Variants in SUN2 observed in about 807,000 individuals in gnomAD.
SUN2 encodes SUN domain-containing protein 2.
In SUN2, 60 loss-of-function variants were observed where a neutral mutation model predicts 100.0. The ratio of observed to expected loss-of-function variants is 0.60; its 90% CI spans 0.49 to 0.74. The LOEUF is 0.74. SUN2 is among the 30% of genes least tolerant of loss of function. SUN2 has a pLI of 0.00. For missense variants in SUN2, 834 were observed against 954.6 expected (o/e 0.87, Z 1.66); for synonymous variants, 367 against 403.3 (o/e 0.91, Z 1.08).
At chr22:38,749,911 G>A (rs372129329) in intron 5 of SUN2, 52 bp from the exon 6 acceptor site, 34 of 1,537,352 alleles carry the variant, frequency 2.2e-5, no homozygotes, top group Non-Finnish European at 2.6e-5. Context: ...TGGGGGCACC[G>A]CTCCTTTGTC....
At position 38,748,710 on chromosome 22, in the gene SUN2, C is replaced by T. The variant is rs751120521; in HGVS notation, c.685+3G>A. 1.2e-6 allele frequency: 2 copies of T among 1,614,226 alleles called. No individual in the cohort carries two copies. Among genetic ancestry groups the T allele is most frequent in the Non-Finnish European group, 1.7e-6 (2 of 1,180,032 alleles). On this transcript the variant is annotated splice_donor_region_variant and intron_variant, in intron 7 of 17. Transcript: ENST00000689035. ...TCCCTCTGCTCTCCCCATGCAGGCT[C>T]ACCATACGTCAGGCACGTCAGCAAG...
chr22:38,738,867 GC>G lies in SUN2; in HGVS notation c.1779+5del. ...GCCCCCGCTGCTGTGCTTGCCAGGT[GC>G]CCACCTGGAGGATGACTCGGGGTGA... On this transcript the variant is annotated splice_donor_5th_base_variant and intron_variant, in intron 15 of 17. Coordinates refer to ENST00000689035, the MANE Select transcript of SUN2 (RefSeq NM_015374.3). This position sits in a 1 kb window ranked among gnomAD's most constrained non-coding sequence, Gnocchi z 6.6. The G allele has an allele frequency of 6.2e-7, 1 of 1,600,328 alleles. No homozygotes were observed. The highest frequency in any genetic ancestry group is 2.2e-5 in the East Asian group (1 of 44,626).
At position 38,739,035 on chromosome 22, in the gene SUN2, G is replaced by A. The variant is rs2092831851; in HGVS notation, c.1664-47C>T. 2.6e-6 allele frequency: 4 copies of A among 1,547,860 alleles called. No homozygotes were observed. The highest frequency in any genetic ancestry group is 3.5e-6 in the Non-Finnish European group (4 of 1,139,204). On this transcript the variant is annotated intron_variant, in intron 14 of 17. Coordinates refer to ENST00000689035, the MANE Select transcript of SUN2 (RefSeq NM_015374.3). The surrounding 1 kb of genome is among the most constrained non-coding windows in gnomAD (Gnocchi z 6.7). ...GGGTGGGCTCCCGCACGGGAGGAGG[G>A]CCCCGCTCAGGCCATTGGCTGTCTC... is the stretch of plus-strand genomic sequence containing the variant.
rs186695180 is a variant in SUN2 at position 38,737,247 on chromosome 22, A to G, written c.2041-867T>C. 3.6e-4 allele frequency among the ~76,000 whole-genome samples: 55 copies of G among 152,014 alleles called. No individual in the cohort carries two copies. In the East Asian group the frequency reaches 9.7e-3, roughly 27 times the overall value. ...TCTTTCTGGCTCCCCCGACAGCTCC[A>G]CTGGACTGTTCCATAGGTGCCTCAG... On this transcript the variant is annotated intron_variant, in intron 17 of 17. Transcript: ENST00000689035. The surrounding 1 kb of genome is among the most constrained non-coding windows in gnomAD (Gnocchi z 4.1).
chr22:38,741,058 G>A lies in SUN2; in HGVS notation c.1147-8C>T, dbSNP rs1328174549. 6.3e-7 allele frequency: 1 copy of A among 1,594,648 alleles called. No homozygotes were observed. The highest frequency in any genetic ancestry group is 8.5e-7 in the Non-Finnish European group (1 of 1,170,078). Reference sequence around the variant, plus strand: ...GATGCGAGCCTCGGACTCCTGTGTAGGAAGAAGGGACAAATACAAGAAATA... The same window carrying A: ...GATGCGAGCCTCGGACTCCTGTGTAAGAAGAAGGGACAAATACAAGAAATA... On this transcript the variant is annotated splice_region_variant and splice_polypyrimidine_tract_variant and intron_variant, in intron 10 of 17. Coordinates refer to ENST00000689035, the MANE Select transcript of SUN2 (RefSeq NM_015374.3).
At chr22:38,736,458 A>G in intron 17 of SUN2, 78 bp from the exon 18 acceptor site, 2 of 1,236,318 alleles carry the variant, frequency 1.6e-6, no homozygotes, top group South Asian at 1.5e-5. Flanking sequence ...AAGGGGAGAC[A>G]GCCTCGCCTA....
Position 38,740,791 on chromosome 22 carries a change from T to TGCCCCCCGCCCTCAGG in SUN2, c.1190+200_1190+215dup, listed in dbSNP as rs2092849991. 2 of 606,304 alleles carry TGCCCCCCGCCCTCAGG rather than the reference T, an allele frequency of 3.3e-6. No homozygotes were observed. The highest frequency in any genetic ancestry group is 5.8e-6 in the Non-Finnish European group (2 of 342,132). The allele number at this position is 606,304 out of a possible 1,614,324, so 37.6% of individuals were successfully genotyped here. ...TGAATCCCGGTCCTCTCACACAGCC[T>TGCCCCCCGCCCTCAGG]GCCCCCCGCCCTCAGGACCCCCCTG... On this transcript the variant is annotated intron_variant, in intron 11 of 17. Coordinates refer to ENST00000689035, the MANE Select transcript of SUN2 (RefSeq NM_015374.3). This position sits in a 1 kb window ranked among gnomAD's most constrained non-coding sequence, Gnocchi z 4.8.
At chr22:38,754,659 C>G (rs1012390260) in intron 1 of SUN2, 2 of 1,288,250 alleles carry the variant, frequency 1.6e-6, no homozygotes, top group South Asian at 1.2e-5. Flanking sequence ...CTCCAGCTGC[C>G]CACACAGGGA....
intron 8 of SUN2, among the ~76,000 whole-genome samples, chr22:38,744,559 C>A (rs541729868): frequency 1.3e-5 from 2 of 152,218 alleles, no homozygotes; most frequent in South Asian, 2.1e-4. Flanking sequence ...GCAGCCTGGA[C>A]AACAGAATGA....
At chr22:38,746,045 C>T (rs2092901324) in intron 7 of SUN2, among the ~76,000 whole-genome samples, 1 of 152,244 alleles carries the variant, frequency 6.6e-6, no homozygotes, top group Admixed American at 6.5e-5. Flanking sequence ...CTTCATCTTT[C>T]TGTAAGTGGC....
At position 38,755,797 on chromosome 22, in the gene SUN2, C is replaced by A. The variant is rs920989062; in HGVS notation, c.-72G>T. The A allele has an allele frequency of 1.0e-5, 10 of 984,262 alleles. No homozygotes were observed. In the South Asian group the frequency reaches 3.3e-4, roughly 32 times the overall value. The allele number at this position is 984,262 out of a possible 1,614,324, so 61.0% of individuals were successfully genotyped here. A position where few individuals can be genotyped will look rare whatever the true frequency, so the allele number is the denominator to read the frequency against. On this transcript the variant is annotated 5_prime_UTR_variant, in exon 1 of 18. Transcript: ENST00000689035. This position sits in a 1 kb window ranked among gnomAD's most constrained non-coding sequence, Gnocchi z 5.7. ...CGGCGGCTTCTAGCCCGGCCGGGGG[C>A]GTCCGAGGCCAGGCCGCCGCCGGGG...
intron 6 of SUN2, 170 bp from the exon 7 acceptor site, chr22:38,748,953 G>A: frequency 6.3e-6 from 4 of 634,662 alleles, no homozygotes; most frequent in Non-Finnish European, 2.8e-6. Flanking sequence ...ACACGTCAGA[G>A]CCTTTCCTGC....
At chr22:38,754,822 G>A (rs773791330) in intron 1 of SUN2, 9 of 1,284,358 alleles carry the variant, frequency 7.0e-6, no homozygotes, top group African/African-American at 1.5e-5. Context: ...GTCAGCACCC[G>A]CCTCCGCCCT....
chr22:38,755,196 CCAGG>C lies in SUN2; in HGVS notation c.-38+563_-38+566del. Reference sequence around the variant, plus strand: ...TGACATTTCCACTCCCTGGGCACAGCCAGGCCACACGCCCTTGTGGGACCTGCCA... The same window carrying C: ...TGACATTTCCACTCCCTGGGCACAGCCCACACGCCCTTGTGGGACCTGCCA... On this transcript the variant is annotated intron_variant, in intron 1 of 17. Coordinates refer to ENST00000689035, the MANE Select transcript of SUN2 (RefSeq NM_015374.3). This position sits in a 1 kb window ranked among gnomAD's most constrained non-coding sequence, Gnocchi z 5.7. 1 of 1,170,896 alleles carries C rather than the reference CCAGG, an allele frequency of 8.5e-7. No individual in the cohort carries two copies. Among genetic ancestry groups the C allele is most frequent in the East Asian group, 5.9e-5 (1 of 17,044 alleles). The allele number at this position is 1,170,896 out of a possible 1,614,324, so 72.5% of individuals were successfully genotyped here.
chr22:38,748,933 G>T (rs781662750), intron 6 of SUN2, 150 bp from the exon 7 acceptor site: 2 of 757,420 alleles, frequency 2.6e-6, no homozygotes, highest in South Asian at 1.6e-5. Flanking sequence ...CTGTGCCAGG[G>T]CCAGCCTGGA....
Position 38,740,052 on chromosome 22 carries a change from C to A in SUN2, c.1357-109G>T. The A allele has an allele frequency of 1.1e-5, 15 of 1,333,408 alleles. No individual in the cohort carries two copies. In the South Asian group the frequency reaches 2.0e-4, roughly 18 times the overall value. The allele number at this position is 1,333,408 out of a possible 1,614,324, so 82.6% of individuals were successfully genotyped here. A position where few individuals can be genotyped will look rare whatever the true frequency, so the allele number is the denominator to read the frequency against. On this transcript the variant is annotated intron_variant, in intron 12 of 17. Transcript: ENST00000689035. The surrounding 1 kb of genome is among the most constrained non-coding windows in gnomAD (Gnocchi z 4.8). ...TAGCAGGGATAGGGTAGGAGGGAGG[C>A]CACTGGAGGAAAGAGTTATGAACAC... is the stretch of plus-strand genomic sequence containing the variant.
At position 38,734,830 on chromosome 22, in the gene SUN2, A is replaced by C. The variant is rs148581450; in HGVS notation, c.*1437T>G. The C allele has an allele frequency of 1.5e-3, 277 of 185,382 alleles. 1 individual carries two copies. Among genetic ancestry groups the C allele is most frequent in the African/African-American group, 6.4e-3 (270 of 41,908 alleles). The allele number at this position is 185,382 out of a possible 1,614,324, so 11.5% of individuals were successfully genotyped here. ...TGCAGCATTTGTGACAGGAGAGCGC[A>C]AAACAAACCCTGGCTGCCTCGGGAT... On this transcript the variant is annotated 3_prime_UTR_variant, in exon 18 of 18. Transcript: ENST00000689035.
At position 38,749,852 on chromosome 22, in the gene SUN2, G is replaced by C. The variant is rs773031386; in HGVS notation, c.528C>G (p.Leu176=). The C allele has an allele frequency of 1.2e-6, 2 of 1,613,178 alleles. No individual in the cohort carries two copies. The highest frequency in any genetic ancestry group is 8.5e-7 in the Non-Finnish European group (1 of 1,179,688). The change falls in exon 6 of 18, where the codon CTC becomes CTG. Residue 176 remains leucine, a synonymous_variant. Transcript: ENST00000689035. ...CAGCCCACCAGTAGAGAAGTCTGAA[G>C]AGCCGGCCTGGAAGAATGACCATCA... The part of the protein sequence containing the change: ...LWMVATSPGR[L]FRLLYWWAGT...
chr22:38,739,037 C>T lies in SUN2; in HGVS notation c.1664-49G>A. 2 of 1,539,116 alleles carry T rather than the reference C, an allele frequency of 1.3e-6. No individual in the cohort carries two copies. Among genetic ancestry groups the T allele is most frequent in the Non-Finnish European group, 8.8e-7 (1 of 1,131,952 alleles). ...GTGGGCTCCCGCACGGGAGGAGGGC[C>T]CCGCTCAGGCCATTGGCTGTCTCCT... On this transcript the variant is annotated intron_variant, in intron 14 of 17. Coordinates refer to ENST00000689035, the MANE Select transcript of SUN2 (RefSeq NM_015374.3). The surrounding 1 kb of genome is among the most constrained non-coding windows in gnomAD (Gnocchi z 6.7).
Sources: gnomAD v4.1 joint callset for allele counts (sites outside exome capture counted in the v4.1 genomes callset) on GRCh38, gnomAD v4.1.1 for gene constraint, Gnocchi (gnomAD v3.1) non-coding constraint, MANE v1.5 for transcripts, NCBI Gene and HGNC (gene_info 2026-07-23, HGNC 2026-07-21) for gene names.